The following EVI5 variants were observed in gnomAD, a reference collection of about 807,000 sequenced individuals.
EVI5 encodes ecotropic viral integration site 5 protein homolog.
A neutral mutation model predicts 112.0 loss-of-function variants in EVI5; 73 were observed. That is an observed-to-expected ratio of 0.65 (90% confidence interval 0.54 to 0.79). The LOEUF is 0.79. Among genes scored for constraint, EVI5 ranks in the 30% least tolerant of loss-of-function variants. The pLI is 0.00. For missense variants in EVI5, 900 were observed against 968.8 expected (o/e 0.93, Z 0.94); for synonymous variants, 305 against 319.9 (o/e 0.95, Z 0.50).
chr1:92,662,363 G>A (rs939323458), intron 13 of EVI5, among the ~76,000 whole-genome samples: 40 of 152,116 alleles, frequency 2.6e-4, no homozygotes, highest in African/African-American at 8.9e-4. Flanking sequence ...GCTGAAGTTG[G>A]GATTTAAAAA....
intron 9 of EVI5, among the ~76,000 whole-genome samples, chr1:92,686,590 AGAG>A (rs1668570614): frequency 1.3e-5 from 2 of 152,206 alleles, no homozygotes. Flanking sequence ...AGTTAGGAAA[AGAG>A]GAAGTCAAAT....
chr1:92,596,163 T>C (rs1398742656), intron 18 of EVI5, among the ~76,000 whole-genome samples: 1 of 151,862 alleles, frequency 6.6e-6, no homozygotes, highest in Non-Finnish European at 1.5e-5. Flanking sequence ...TCAATACCAG[T>C]CTGGGGAACA....
Position 92,512,876 on chromosome 1 carries a change from G to A in EVI5, c.*780C>T, listed in dbSNP as rs1196820346. 6.6e-6 allele frequency: 1 copy of A among 151,876 alleles called. No homozygotes were observed. The highest frequency in any genetic ancestry group is 2.4e-5 in the African/African-American group (1 of 41,380). The allele number at this position is 151,876 out of a possible 1,614,324, so 9.4% of individuals were successfully genotyped here. ...AAACAGACAAGGTAGGCTGGGTGCA[G>A]TGGCTCACACCTGTAATCCCAGCAC... On this transcript the variant is annotated 3_prime_UTR_variant, in exon 20 of 20. Transcript: ENST00000684568.
At chr1:92,646,011 C>T (rs1334766751) in intron 13 of EVI5, among the ~76,000 whole-genome samples, 1 of 152,338 alleles carries the variant, frequency 6.6e-6, no homozygotes, top group African/African-American at 2.4e-5. Flanking sequence ...CAAACCAGAT[C>T]ACTTGTTGTT....
At chr1:92,640,027 C>T (rs1024978557) in intron 13 of EVI5, among the ~76,000 whole-genome samples, 1 of 152,136 alleles carries the variant, frequency 6.6e-6, no homozygotes, top group African/African-American at 2.4e-5. Flanking sequence ...ATCTCCTATT[C>T]AATAAATGGT....
chr1:92,664,543 G>GA (rs1199924922), intron 11 of EVI5, among the ~76,000 whole-genome samples: 3 of 149,786 alleles, frequency 2.0e-5, no homozygotes, highest in African/African-American at 2.4e-5. Flanking sequence ...TATTTAGTGG[G>GA]AAAAAAGAGT....
chr1:92,644,486 TTTG>T (rs1488969326), intron 13 of EVI5, among the ~76,000 whole-genome samples: 1 of 152,198 alleles, frequency 6.6e-6, no homozygotes, highest in Non-Finnish European at 1.5e-5. Flanking sequence ...TTTCTCTACT[TTTG>T]TTTTCAATTT....
intron 13 of EVI5, among the ~76,000 whole-genome samples, chr1:92,641,401 C>T (rs3936944): frequency 0.61 from 92,954 of 151,834 alleles, 29,234 homozygotes; most frequent in East Asian, 0.92. Flanking sequence ...CAACAAAATC[C>T]CTGTATTATA....
intron 1 of EVI5, among the ~76,000 whole-genome samples, chr1:92,770,424 G>A (rs921698217): frequency 1.3e-5 from 2 of 152,096 alleles, no homozygotes; most frequent in African/African-American, 2.4e-5. Context: ...ACATGTGTAC[G>A]TTTCTCTAGG....
intron 10 of EVI5, among the ~76,000 whole-genome samples, chr1:92,673,347 T>C (rs1178277641): frequency 1.3e-5 from 2 of 152,112 alleles, no homozygotes; most frequent in East Asian, 3.8e-4. Flanking sequence ...ATACTTCTCA[T>C]TTTAGGGCTT....
rs74101172 is a variant in EVI5 at position 92,514,022 on chromosome 1, C to T, written c.2167-52G>A. On this transcript the variant is annotated intron_variant, in intron 19 of 19. Coordinates refer to ENST00000684568, the MANE Select transcript of EVI5 (RefSeq NM_001350197.2). ...CAGTCAAATGGGGGAAACACACACA[C>T]GCCAAAAAGCAAACATTCCATGTTT... 4,289 of 1,074,326 alleles carry T rather than the reference C, an allele frequency of 4.0e-3. 69 individuals are homozygous for T. In the African/African-American group the frequency reaches 0.043, roughly 11 times the overall value. 66.5% of individuals were successfully genotyped at this position (1,074,326 alleles called of 1,614,324 possible). A position where few individuals can be genotyped will look rare whatever the true frequency, so the allele number is the denominator to read the frequency against.
chr1:92,692,311 A>C (rs946529678), intron 9 of EVI5, among the ~76,000 whole-genome samples: 1 of 152,234 alleles, frequency 6.6e-6, no homozygotes, highest in Non-Finnish European at 1.5e-5. Flanking sequence ...CAGACTTTTA[A>C]AGTCAAATAA....
intron 9 of EVI5, among the ~76,000 whole-genome samples, chr1:92,692,178 A>G (rs1669594769): frequency 6.6e-6 from 1 of 152,232 alleles, no homozygotes; most frequent in Admixed American, 6.5e-5. Flanking sequence ...TGAAAGAAAT[A>G]GAGGGCCAGA....
At chr1:92,713,978 T>G (rs1673230448) in intron 2 of EVI5, 1 of 953,794 alleles carries the variant, frequency 1.0e-6, no homozygotes. Flanking sequence ...AATGCAATCC[T>G]ATTATACTTG....
intron 18 of EVI5, among the ~76,000 whole-genome samples, chr1:92,576,741 A>G (rs1331922849): frequency 1.3e-5 from 2 of 152,198 alleles, no homozygotes; most frequent in Non-Finnish European, 2.9e-5. Context: ...TTCTGTCTAT[A>G]TCGCTGGGCA....
intron 19 of EVI5, among the ~76,000 whole-genome samples, chr1:92,522,021 T>C (rs973908511): frequency 2.0e-5 from 3 of 152,236 alleles, no homozygotes; most frequent in African/African-American, 7.2e-5. Context: ...TCATTACACA[T>C]GTTGTTTAAT....
intron 18 of EVI5, among the ~76,000 whole-genome samples, chr1:92,572,451 C>T (rs1375099456): frequency 6.6e-6 from 1 of 152,030 alleles, no homozygotes; most frequent in Non-Finnish European, 1.5e-5. Flanking sequence ...CAATTCATCC[C>T]CTCTTTCCTC....
In EVI5 at chr1:92,785,102, A is replaced by G; in HGVS notation, c.-348T>C. ...CGGGGTCCGGCCCGGCCGCGTCAGG[A>G]GAGCCCAAGGCGCAGGCGCGGGAGG... is the stretch of plus-strand genomic sequence containing the variant. On this transcript the variant is annotated 5_prime_UTR_variant, in exon 1 of 20. Coordinates refer to ENST00000684568, the MANE Select transcript of EVI5 (RefSeq NM_001350197.2). 1 of 985,396 alleles carries G rather than the reference A, an allele frequency of 1.0e-6. No homozygotes were observed. Among genetic ancestry groups the G allele is most frequent in the Non-Finnish European group, 1.2e-6 (1 of 830,000 alleles). The allele number at this position is 985,396 out of a possible 1,614,324, so 61.0% of individuals were successfully genotyped here. A position where few individuals can be genotyped will look rare whatever the true frequency, so the allele number is the denominator to read the frequency against.
At chr1:92,773,189 G>C (rs920760605) in intron 1 of EVI5, among the ~76,000 whole-genome samples, 3 of 112,462 alleles carry the variant, frequency 2.7e-5, no homozygotes, top group Non-Finnish European at 5.6e-5. Flanking sequence ...CTGAGCAACA[G>C]GCTGTCTCAA....
Sources: allele counts gnomAD v4.1 joint callset (sites outside exome capture counted in the v4.1 genomes callset), GRCh38; gene constraint gnomAD v4.1.1; transcripts MANE v1.5; gene names NCBI Gene and HGNC (gene_info 2026-07-23, HGNC 2026-07-21).